RELA: variants seen among roughly 807,000 people sequenced by gnomAD.
RELA encodes the protein transcription factor p65.
A neutral mutation model predicts 56.7 loss-of-function variants in RELA; 14 were observed. The ratio of observed to expected loss-of-function variants is 0.25; its 90% CI spans 0.16 to 0.39. The LOEUF is 0.39. Ranked by LOEUF, RELA falls within the 10% of genes least tolerant of loss-of-function variation. The probability of loss-of-function intolerance (pLI) is 1.00; values close to 1 mark genes in which losing one functional copy is unlikely to be tolerated. For synonymous variants in RELA, 315 were observed against 289.7 expected, an observed-to-expected ratio of 1.09 and a Z score of -0.89; for missense variants, 559 against 736.4, an observed-to-expected ratio of 0.76 and a Z score of 2.79.
intron 4 of RELA, 124 bp from the exon 5 acceptor site, chr11:65,660,339 G>C: frequency 1.2e-6 from 1 of 823,992 alleles, no homozygotes; most frequent in South Asian, 1.6e-5. Context: ...ACCCTCTCCA[G>C]TGGCTTCCTA....
upstream of RELA, among the ~76,000 whole-genome samples, chr11:65,663,259 C>T (rs74712780): frequency 2.0e-5 from 3 of 152,042 alleles, no homozygotes; most frequent in Non-Finnish European, 4.4e-5. Flanking sequence ...AAAGCCAGGG[C>T]TACTGGGCTG....
rs1856429820 is a variant in RELA at position 65,656,399 on chromosome 11, C to T, written c.878-464G>A. Among the ~76,000 whole-genome samples, 3 of 152,192 alleles carry T rather than the reference C, an allele frequency of 2.0e-5. No individual in the cohort carries two copies. In the South Asian group the frequency reaches 6.2e-4, roughly 32 times the overall value. On this transcript the variant is annotated intron_variant, in intron 8 of 10. Coordinates refer to ENST00000406246, the MANE Select transcript of RELA (RefSeq NM_021975.4). ...AGTCAGAGCTTTCAGAACTGTCTTT[C>T]TAATTACAGTGGTATTTCAGTAGCT...
In RELA at chr11:65,655,723, A is replaced by T; in HGVS notation, c.998T>A (p.Val333Glu). 1 of 1,614,064 alleles carries T rather than the reference A, an allele frequency of 6.2e-7. No individual in the cohort carries two copies. The highest frequency in any genetic ancestry group is 1.3e-5 in the African/African-American group (1 of 75,000). Reference sequence around the variant, plus strand: ...GACAGAAGCTGAGCTGCGGGAAGGCACAGCAATGCGTCGAGGTGGAGGCCG... The same window carrying T: ...GACAGAAGCTGAGCTGCGGGAAGGCTCAGCAATGCGTCGAGGTGGAGGCCG... ...DPRPPPRRIA[V>E]PSRSSASVPK... The change falls in exon 10 of 11, where the codon GTG becomes GAG. Residue 333 changes from valine to glutamate, a missense_variant. Transcript: ENST00000406246.
At chr11:65,662,754 G>C in intron 1 of RELA, 72 bp downstream of exon 1, 1 of 1,151,738 alleles carries the variant, frequency 8.7e-7, no homozygotes, top group Non-Finnish European at 1.1e-6. Context: ...GGCGGAAAGC[G>C]GCGCGGGGGC....
intron 4 of RELA, 100 bp from the exon 5 acceptor site, chr11:65,660,315 T>C: frequency 9.6e-7 from 1 of 1,041,580 alleles, no homozygotes; most frequent in Non-Finnish European, 1.5e-6. Flanking sequence ...CCCTAGATCA[T>C]CGCTCCATGC....
At position 65,662,843 on chromosome 11, in the gene RELA, C is replaced by T. The variant is rs1259113186; in HGVS notation, c.-11G>A. 4.2e-6 allele frequency: 5 copies of T among 1,197,098 alleles called. No homozygotes were observed. Among genetic ancestry groups the T allele is most frequent in the Non-Finnish European group, 5.2e-6 (5 of 965,614 alleles). The allele number at this position is 1,197,098 out of a possible 1,614,324, so 74.2% of individuals were successfully genotyped here. ...GACCTCACCGTCCATGGCCGGGGTC[C>T]CGGGGGCGGGGCCGGGGTCGCAGCT... On this transcript the variant is annotated 5_prime_UTR_variant, in exon 1 of 11. Coordinates refer to ENST00000406246, the MANE Select transcript of RELA (RefSeq NM_021975.4).
upstream of RELA, among the ~76,000 whole-genome samples, chr11:65,663,288 A>T (rs1856621205): frequency 6.6e-6 from 1 of 152,164 alleles, no homozygotes; most frequent in African/African-American, 2.4e-5. Flanking sequence ...CGCCCCGCGC[A>T]GGGAAAAGCC....
At position 65,658,938 on chromosome 11, in the gene RELA, C is replaced by T. The variant is rs1279283710; in HGVS notation, c.560-116G>A. 10 of 801,558 alleles carry T rather than the reference C, an allele frequency of 1.2e-5. No homozygotes were observed. The highest frequency in any genetic ancestry group is 1.9e-5 in the Non-Finnish European group (9 of 464,108). The allele number at this position is 801,558 out of a possible 1,614,324, so 49.7% of individuals were successfully genotyped here. A position where few individuals can be genotyped will look rare whatever the true frequency, so the allele number is the denominator to read the frequency against. ...AGTCAAGGTTGCCCAGAGCTTGCCA[C>T]CTACACCTTTGTAGCCAAAGTCAGA... On this transcript the variant is annotated intron_variant, in intron 6 of 10. Transcript: ENST00000406246. The surrounding 1 kb of genome is among the most constrained non-coding windows in gnomAD (Gnocchi z 4.5).
chr11:65,655,742 G>A lies in RELA; in HGVS notation c.979C>T (p.Pro327Ser). ...PFSGPTDPRP[P>S]PRRIAVPSRS... ...GAAGGCACAGCAATGCGTCGAGGTGGAGGCCGGGGGTCGGTGGGTCCTGTA... is the reference window on the plus strand; with the variant it reads ...GAAGGCACAGCAATGCGTCGAGGTGAAGGCCGGGGGTCGGTGGGTCCTGTA... The change falls in exon 10 of 11, where the codon CCA becomes TCA. Residue 327 changes from proline to serine, a missense_variant. By Grantham distance (74) the Pro-to-Ser change is moderately conservative. Transcript: ENST00000406246. The A allele has an allele frequency of 1.2e-6, 2 of 1,614,020 alleles. No individual in the cohort carries two copies.
In RELA at chr11:65,658,972, T is replaced by A; in HGVS notation, c.560-150A>T. On this transcript the variant is annotated intron_variant, in intron 6 of 10. Transcript: ENST00000406246. The surrounding 1 kb of genome is among the most constrained non-coding windows in gnomAD (Gnocchi z 4.5). ...TTGTAGCCAAAGTCAGACCTTCTTA[T>A]TAGCTCCTCACCCCAACCGATTCAA... is the stretch of plus-strand genomic sequence containing the variant. 1 of 668,798 alleles carries A rather than the reference T, an allele frequency of 1.5e-6. No homozygotes were observed. The highest frequency in any genetic ancestry group is 2.1e-5 in the Admixed American group (1 of 46,656). 41.4% of individuals were successfully genotyped at this position (668,798 alleles called of 1,614,324 possible). A position where few individuals can be genotyped will look rare whatever the true frequency, so the allele number is the denominator to read the frequency against.
chr11:65,662,211 AG>A lies in RELA; in HGVS notation c.8-7del. 6.4e-7 allele frequency: 1 copy of A among 1,566,774 alleles called. No individual in the cohort carries two copies. The highest frequency in any genetic ancestry group is 1.2e-5 in the South Asian group (1 of 84,526). Reference sequence around the variant, plus strand: ...GAAGATGAGGGGGAACAGTTCTGAAAGGGGAGGGAGATCAGGGTCAGCACAC... The same window carrying A: ...GAAGATGAGGGGGAACAGTTCTGAAAGGGAGGGAGATCAGGGTCAGCACAC... On this transcript the variant is annotated splice_polypyrimidine_tract_variant and splice_region_variant and intron_variant, in intron 1 of 10. Transcript: ENST00000406246.
Position 65,661,997 on chromosome 11 carries a change from G to C in RELA, c.126C>G (p.Ser42=). 1 of 1,613,726 alleles carries C rather than the reference G, an allele frequency of 6.2e-7. No individual in the cohort carries two copies. Among genetic ancestry groups the C allele is most frequent in the Non-Finnish European group, 8.5e-7 (1 of 1,179,944 alleles). ...MRFRYKCEGR[S]AGSIPGERST... ...TCCTCTCGCCTGGGATGCTGCCCGCGGAGCGCCCCTCGCACTTGTAGCGGA... is the reference window on the plus strand; with the variant it reads ...TCCTCTCGCCTGGGATGCTGCCCGCCGAGCGCCCCTCGCACTTGTAGCGGA... The change falls in exon 3 of 11, where the codon TCC becomes TCG. Residue 42 remains serine, a synonymous_variant. Transcript: ENST00000406246.
intron 8 of RELA, among the ~76,000 whole-genome samples, chr11:65,657,522 T>A (rs1481847117): frequency 1.3e-5 from 2 of 152,194 alleles, no homozygotes; most frequent in Non-Finnish European, 2.9e-5. Context: ...CTGAGCCTGC[T>A]CACTGCCCAA....
At position 65,661,617 on chromosome 11, in the gene RELA, C is replaced by A. The variant is rs970147795; in HGVS notation, c.335+70G>T. The A allele has an allele frequency of 1.9e-5, 27 of 1,431,454 alleles. No individual in the cohort carries two copies. The African/African-American group carries it at 3.6e-4, about 19-fold the overall frequency. The allele number at this position is 1,431,454 out of a possible 1,614,324, so 88.7% of individuals were successfully genotyped here. A position where few individuals can be genotyped will look rare whatever the true frequency, so the allele number is the denominator to read the frequency against. ...GCCCTGGGTCCAGAAAGGAGTAACA[C>A]TGTAGCGGCTACTTCATAGCCCGCC... On this transcript the variant is annotated intron_variant, in intron 4 of 10. Transcript: ENST00000406246.
In RELA at chr11:65,654,618, G is replaced by C. The variant is rs150493312; in HGVS notation, c.1416C>G (p.Ser472=). Reference sequence around the variant, plus strand: ...CCTGGTTCAGCAGCTGCTGAAACTCGGAGTTGTCGACGGATGCCAGGTCTG... The same window carrying C: ...CCTGGTTCAGCAGCTGCTGAAACTCCGAGTTGTCGACGGATGCCAGGTCTG... ...VFTDLASVDN[S]EFQQLLNQGI... is the part of the protein sequence containing the mutation. The change falls in exon 11 of 11, where the codon TCC becomes TCG. Residue 472 remains serine, a synonymous_variant. Coordinates refer to ENST00000406246, the MANE Select transcript of RELA (RefSeq NM_021975.4). 1.2e-6 allele frequency: 2 copies of C among 1,609,724 alleles called. No individual in the cohort carries two copies. Among genetic ancestry groups the C allele is most frequent in the Non-Finnish European group, 8.5e-7 (1 of 1,178,404 alleles).
rs1405630241 is a variant in RELA, at chr11:65,658,529, A to G, written c.665-30T>C. 1 of 1,555,744 alleles carries G rather than the reference A, an allele frequency of 6.4e-7. No individual in the cohort carries two copies. Among genetic ancestry groups the G allele is most frequent in the African/African-American group, 1.4e-5 (1 of 73,852 alleles). On this transcript the variant is annotated intron_variant, in intron 7 of 10. Transcript: ENST00000406246. This position sits in a 1 kb window ranked among gnomAD's most constrained non-coding sequence, Gnocchi z 4.5. Reference sequence around the variant, plus strand: ...AGGAGATGCGGTGGCAGTGTGGGTCAGTGTGTCTAACCCTCCATGGTCTCC... The same window carrying G: ...AGGAGATGCGGTGGCAGTGTGGGTCGGTGTGTCTAACCCTCCATGGTCTCC...
At position 65,660,185 on chromosome 11, in the gene RELA, C is replaced by T; in HGVS notation, c.366G>A (p.Lys122=). Residue 122 remains lysine (K), a synonymous_variant, in exon 5 of 11, where the codon AAG becomes AAA. Transcript: ENST00000406246. ...SFQNLGIQCV[K]KRDLEQAISQ... ...TGATAGCCTGCTCCAGGTCCCGCTT[C>T]TTCACACACTGGATTCCCAGGTTCT... The T allele has an allele frequency of 6.2e-7, 1 of 1,614,198 alleles. No homozygotes were observed. Among genetic ancestry groups the T allele is most frequent in the Non-Finnish European group, 8.5e-7 (1 of 1,180,032 alleles).
In RELA at chr11:65,654,231, A is replaced by C. The variant is rs932197179; in HGVS notation, c.*147T>G. ...GAGAGAGATACAGATACTGACAATA[A>C]AAGAATAAAATATGGCTCCCCCCTC... On this transcript the variant is annotated 3_prime_UTR_variant, in exon 11 of 11. Coordinates refer to ENST00000406246, the MANE Select transcript of RELA (RefSeq NM_021975.4). 1.0e-6 allele frequency: 1 copy of C among 963,612 alleles called. No homozygotes were observed. The highest frequency in any genetic ancestry group is 1.6e-5 in the African/African-American group (1 of 61,738). The allele number at this position is 963,612 out of a possible 1,614,324, so 59.7% of individuals were successfully genotyped here.
chr11:65,655,929 C>T lies in RELA; in HGVS notation c.884G>A (p.Arg295His), dbSNP rs150601443. The change falls in exon 9 of 11, where the codon CGT (arginine) becomes CAT (histidine). Residue 295 changes from arginine (R) to histidine (H), a missense_variant. Arg to His is a conservative substitution (Grantham distance 29). Coordinates refer to ENST00000406246, the MANE Select transcript of RELA (RefSeq NM_021975.4). Reference protein sequence around the residue: ...EFQYLPDTDDRHRIEEKRKRT... With the variant: ...EFQYLPDTDDHHRIEEKRKRT... The stretch of plus-strand genomic sequence containing the variant: ...TTTACGTTTCTCCTCAATCCGGTGA[C>T]GATCGTCTGGGAAAGTAAGGGGGAG... 2.3e-4 allele frequency: 365 copies of T among 1,614,078 alleles called. 1 individual carries two copies. Among genetic ancestry groups the T allele is most frequent in the South Asian group, 7.0e-4 (64 of 91,072 alleles).
Sources: gnomAD v4.1 joint callset for allele counts (sites outside exome capture counted in the v4.1 genomes callset) on GRCh38, gnomAD v4.1.1 for gene constraint, Gnocchi (gnomAD v3.1) non-coding constraint, MANE v1.5 for transcripts, NCBI Gene and HGNC (gene_info 2026-07-23, HGNC 2026-07-21) for gene names.